Variants in TP63 observed in about 807,000 individuals in gnomAD.
The protein encoded by TP63 is tumor protein p63.
TP63 carries 17 observed loss-of-function variants against 82.8 expected under a neutral mutation model. The observed-to-expected ratio is 0.21, with a 90% confidence interval of 0.14 to 0.31. The LOEUF (loss-of-function observed/expected upper bound fraction) is 0.31. Ranked by LOEUF, TP63 falls within the 10% of genes least tolerant of loss-of-function variation. The pLI is 1.00. For synonymous variants in TP63, 330 were observed against 321.7 expected (o/e 1.03, Z -0.28); for missense variants, 648 against 895.3 (o/e 0.72, Z 3.52).
At chr3:189,715,514 A>G (rs1718894789) in intron 1 of TP63, among the ~76,000 whole-genome samples, 1 of 152,188 alleles carries the variant, frequency 6.6e-6, no homozygotes, top group South Asian at 2.1e-4. Context: ...CCTATTAGGT[A>G]TATACATTTC....
In TP63 at chr3:189,896,287, ATT is replaced by A. The variant is rs370280085; in HGVS notation, c.*1794_*1795del. 3 of 209,324 alleles carry A rather than the reference ATT, an allele frequency of 1.4e-5. No individual in the cohort carries two copies. The highest frequency in any genetic ancestry group is 1.9e-4 in the South Asian group (1 of 5,196). 13.0% of individuals were successfully genotyped at this position (209,324 alleles called of 1,614,324 possible). On this transcript the variant is annotated 3_prime_UTR_variant, in exon 14 of 14. Transcript: ENST00000264731. ...AAATTGCATACTTTGTATTTTGATT[ATT>A]TTTTTTTTCTTCTTGGGATAGTGGG...
chr3:189,824,521 C>T (rs140390182), intron 4 of TP63, among the ~76,000 whole-genome samples: 48 of 152,294 alleles, frequency 3.2e-4, no homozygotes, highest in African/African-American at 1.2e-3. Context: ...GAGTGAGCCA[C>T]CGTGCCTAGC....
chr3:189,880,245 GTA>G, intron 10 of TP63: 3 of 1,529,764 alleles, frequency 2.0e-6, no homozygotes, highest in South Asian at 1.3e-5. Flanking sequence ...GTGTGTGTGT[GTA>G]TGTGTGTGCG....
At chr3:189,601,169 G>A in the TP63 span, among the ~76,000 whole-genome samples, 2 of 152,124 alleles carry the variant, frequency 1.3e-5, no homozygotes, top group Non-Finnish European at 2.9e-5. Flanking sequence ...ACTGTTCTTG[G>A]ACTTGAGCTG....
chr3:189,679,778 T>C (rs1172160349), intron 1 of TP63, among the ~76,000 whole-genome samples: 1 of 152,174 alleles, frequency 6.6e-6, no homozygotes, highest in Non-Finnish European at 1.5e-5. Context: ...TTATGTAAAG[T>C]ATTCAATTGG....
intron 1 of TP63, among the ~76,000 whole-genome samples, chr3:189,666,985 T>G (rs1714443855): frequency 6.7e-6 from 1 of 148,528 alleles, no homozygotes; most frequent in Admixed American, 6.7e-5. Flanking sequence ...AGAAAACTTT[T>G]CAGGCCTTGA....
intron 1 of TP63, among the ~76,000 whole-genome samples, chr3:189,649,674 A>G (rs1276163892): frequency 2.0e-5 from 3 of 146,966 alleles, no homozygotes; most frequent in African/African-American, 7.7e-5. Context: ...TGGTCATCTA[A>G]TAAGGCCTGT....
intron 4 of TP63, among the ~76,000 whole-genome samples, chr3:189,812,020 C>T (rs12489753): frequency 0.045 from 6,903 of 152,186 alleles, 208 homozygotes; most frequent in Admixed American, 0.076. Context: ...TTAGAACTGC[C>T]CACAAACTGA....
At chr3:189,870,357 A>G (rs1718269418) in intron 9 of TP63, among the ~76,000 whole-genome samples, 1 of 152,380 alleles carries the variant, frequency 6.6e-6, no homozygotes, top group East Asian at 1.9e-4. Flanking sequence ...TAATACAAAT[A>G]TAACAACAAT....
chr3:189,797,346 C>T (rs565142294), intron 3 of TP63, among the ~76,000 whole-genome samples: 21 of 152,162 alleles, frequency 1.4e-4, no homozygotes, highest in African/African-American at 4.6e-4. Context: ...AGAATTACCA[C>T]CCCCGAAGTG....
At chr3:189,712,221 C>T (rs1718646715) in intron 1 of TP63, among the ~76,000 whole-genome samples, 2 of 152,152 alleles carry the variant, frequency 1.3e-5, no homozygotes, top group Non-Finnish European at 2.9e-5. Context: ...CTAACTACTG[C>T]ACAAGGTAGA....
chr3:189,803,486 TA>T (rs1463531110), intron 3 of TP63, among the ~76,000 whole-genome samples: 2 of 152,224 alleles, frequency 1.3e-5, no homozygotes. Flanking sequence ...TCCAATTATT[TA>T]ATATTGAGTT....
intron 3 of TP63, among the ~76,000 whole-genome samples, chr3:189,765,558 G>C (rs899872939): frequency 2.0e-5 from 3 of 148,886 alleles, no homozygotes; most frequent in Non-Finnish European, 4.4e-5. Context: ...TCAGCCTCCC[G>C]AGTAGCTGGG....
chr3:189,720,586 T>C (rs1449483767), intron 1 of TP63, among the ~76,000 whole-genome samples: 2 of 151,630 alleles, frequency 1.3e-5, no homozygotes, highest in African/African-American at 4.9e-5. Context: ...AATACAAAAT[T>C]AGCCGGGCGT....
chr3:189,659,205 A>G (rs1713658871), intron 1 of TP63, among the ~76,000 whole-genome samples: 3 of 151,872 alleles, frequency 2.0e-5, no homozygotes, highest in Admixed American at 1.3e-4. Flanking sequence ...CCCTTGCCCC[A>G]TCTCTCATTC....
At chr3:189,868,420 T>C (rs1346464750) in intron 7 of TP63, among the ~76,000 whole-genome samples, 160 bp from the exon 8 acceptor site, 1 of 152,232 alleles carries the variant, frequency 6.6e-6, no homozygotes, top group Non-Finnish European at 1.5e-5. Context: ...AGCACTTTTG[T>C]GTTCTGCCAA....
intron 1 of TP63, among the ~76,000 whole-genome samples, chr3:189,693,530 T>C (rs1377866060): frequency 1.3e-5 from 2 of 152,204 alleles, no homozygotes; most frequent in East Asian, 3.8e-4. Flanking sequence ...ACCAACAAAT[T>C]ATTCTACAAA....
intron 3 of TP63, among the ~76,000 whole-genome samples, chr3:189,800,936 G>A (rs148758408): frequency 0.011 from 1,626 of 152,136 alleles, 15 homozygotes; most frequent in Non-Finnish European, 0.016. Flanking sequence ...GCTCCTGATA[G>A]TCACCATTAC....
chr3:189,733,938 C>A (rs1292347191), intron 1 of TP63, among the ~76,000 whole-genome samples: 1 of 152,058 alleles, frequency 6.6e-6, no homozygotes, highest in Non-Finnish European at 1.5e-5. Flanking sequence ...TCTCATACCC[C>A]ACTCTCCCAT....
Sources: allele counts gnomAD v4.1 joint callset (sites outside exome capture counted in the v4.1 genomes callset), GRCh38; gene constraint gnomAD v4.1.1; transcripts MANE v1.5; gene names NCBI Gene and HGNC (gene_info 2026-07-23, HGNC 2026-07-21).